Variants in EPM2A observed in about 807,000 individuals in gnomAD.
The protein encoded by EPM2A is laforin.
A neutral mutation model predicts 26.5 loss-of-function variants in EPM2A; 21 were observed. That is an observed-to-expected ratio of 0.79 (90% CI 0.56 to 1.14). The LOEUF (loss-of-function observed/expected upper bound fraction) is 1.14. Among genes scored for constraint, EPM2A ranks in the 50% most tolerant of loss-of-function variants. The pLI, the probability that EPM2A is intolerant of heterozygous loss-of-function variation, is 0.00. For missense variants in EPM2A, 458 were observed against 440.8 expected (o/e 1.04, Z -0.35); for synonymous variants, 217 against 177.6 (o/e 1.22, Z -1.76).
intron 2 of EPM2A, chr6:145,636,360 C>G (rs909481530): frequency 4.6e-5 from 7 of 152,308 alleles, no homozygotes; most frequent in Admixed American, 3.9e-4. Context: ...TGGTGGACAC[C>G]TGTAATCCCA....
intron 2 of EPM2A, among the ~76,000 whole-genome samples, chr6:145,567,607 T>G (rs1053200387): frequency 6.6e-6 from 1 of 152,196 alleles, no homozygotes; most frequent in East Asian, 1.9e-4. Flanking sequence ...AGCCTAACTG[T>G]AGGGATCCTG....
At chr6:145,479,075 T>G (rs1303173309) in intron 4 of EPM2A, among the ~76,000 whole-genome samples, 11 of 151,568 alleles carry the variant, frequency 7.3e-5, no homozygotes, top group Admixed American at 5.9e-4. Flanking sequence ...AGTTTTTGTC[T>G]TTACTGATTT....
intron 4 of EPM2A, among the ~76,000 whole-genome samples, chr6:145,401,979 A>T (rs1239582096): frequency 2.0e-5 from 3 of 152,182 alleles, no homozygotes. Flanking sequence ...TAATTAGAAA[A>T]GCATGATTTG....
At chr6:145,491,989 T>C in intron 4 of EPM2A, 1 of 433,998 alleles carries the variant, frequency 2.3e-6, no homozygotes, top group Non-Finnish European at 4.5e-6. Flanking sequence ...CAGGATGATG[T>C]CAGTAAACCA....
intron 4 of EPM2A, among the ~76,000 whole-genome samples, chr6:145,401,983 T>G (rs1273878277): frequency 2.0e-5 from 3 of 152,180 alleles, no homozygotes; most frequent in Non-Finnish European, 4.4e-5. Context: ...TAGAAAAGCA[T>G]GATTTGACAA....
intron 2 of EPM2A, among the ~76,000 whole-genome samples, chr6:145,585,010 C>T (rs1781169756): frequency 6.6e-6 from 1 of 152,132 alleles, no homozygotes; most frequent in South Asian, 2.1e-4. Flanking sequence ...TTGATTATTT[C>T]CTTTCAGTAC....
intron 4 of EPM2A, among the ~76,000 whole-genome samples, chr6:145,455,749 C>A (rs927915482): frequency 1.3e-5 from 2 of 152,100 alleles, no homozygotes; most frequent in African/African-American, 2.4e-5. Context: ...TCGTTGATAA[C>A]AAGATAGTCA....
intron 4 of EPM2A, among the ~76,000 whole-genome samples, chr6:145,438,646 G>A (rs1259544292): frequency 6.6e-6 from 1 of 151,702 alleles, no homozygotes; most frequent in Non-Finnish European, 1.5e-5. Flanking sequence ...GCTAATTTTT[G>A]TATTTTTAGT....
chr6:145,576,976 T>C (rs550692403), intron 2 of EPM2A, among the ~76,000 whole-genome samples: 23 of 151,382 alleles, frequency 1.5e-4, no homozygotes, highest in African/African-American at 5.6e-4. Context: ...TTTTAAGATG[T>C]TTTTTACAAG....
chr6:145,441,106 A>G (rs1467809789), intron 4 of EPM2A, among the ~76,000 whole-genome samples: 1 of 152,164 alleles, frequency 6.6e-6, no homozygotes, highest in Admixed American at 6.5e-5. Context: ...AGGCATTTCC[A>G]TACATCCCCT....
chr6:145,387,957 G>T (rs1267983076), intron 4 of EPM2A, among the ~76,000 whole-genome samples: 4 of 152,100 alleles, frequency 2.6e-5, no homozygotes, highest in Non-Finnish European at 5.9e-5. Context: ...GCTATCAGGG[G>T]TGACAGAAAT....
chr6:145,400,312 G>A (rs1370007002), intron 4 of EPM2A, among the ~76,000 whole-genome samples: 2 of 152,090 alleles, frequency 1.3e-5, no homozygotes, highest in African/African-American at 2.4e-5. Context: ...TTGTCCAAGG[G>A]GAACTTAGAT....
chr6:145,396,512 A>G (rs1224141800), intron 4 of EPM2A, among the ~76,000 whole-genome samples: 3 of 152,192 alleles, frequency 2.0e-5, no homozygotes, highest in Admixed American at 2.0e-4. Context: ...CAATCCAGAC[A>G]AATGATTCAA....
intron 2 of EPM2A, chr6:145,682,426 A>G (rs1400689267): frequency 1.3e-5 from 2 of 152,184 alleles, no homozygotes; most frequent in Admixed American, 6.6e-5. Flanking sequence ...TCCCTTTCCC[A>G]AATGTCCTGA....
intron 2 of EPM2A, among the ~76,000 whole-genome samples, chr6:145,592,302 C>T (rs6918809): frequency 0.43 from 64,715 of 151,180 alleles, 14,352 homozygotes; most frequent in African/African-American, 0.51. Flanking sequence ...AGAATGATGG[C>T]TTCCGGCTTC....
Position 145,590,717 on chromosome 6 carries a change from C to T in EPM2A, c.340+44528G>A, listed in dbSNP as rs1781262213. ...TGAAGTCTCTGGCACGTACAGCAAA[C>T]ATGAAATACATCCTACCTCCTGGTC... On this transcript the variant is annotated intron_variant, in intron 2 of 3. Transcript: ENST00000450221. Among the ~76,000 whole-genome samples the T allele has an allele frequency of 3.3e-5, 5 of 152,184 alleles. No homozygotes were observed. In the South Asian group the frequency reaches 1.0e-3, roughly 32 times the overall value.
intron 2 of EPM2A, among the ~76,000 whole-genome samples, chr6:145,540,439 T>C (rs1439031745): frequency 6.6e-6 from 1 of 152,176 alleles, no homozygotes; most frequent in Non-Finnish European, 1.5e-5. Flanking sequence ...CCCTCAGCAC[T>C]ACTCACCTCC....
intron 2 of EPM2A, among the ~76,000 whole-genome samples, chr6:145,669,107 T>C (rs1262029624): frequency 2.6e-5 from 4 of 152,114 alleles, no homozygotes; most frequent in Non-Finnish European, 2.9e-5. Context: ...TATTGACTCA[T>C]TTATCAGGAA....
At chr6:145,613,708 A>G (rs896489627) in intron 2 of EPM2A, among the ~76,000 whole-genome samples, 1 of 152,182 alleles carries the variant, frequency 6.6e-6, no homozygotes, top group Non-Finnish European at 1.5e-5. Flanking sequence ...AAGCATTTGT[A>G]TTTGGAAAGA....
Sources: gnomAD v4.1 joint callset for allele counts (sites outside exome capture counted in the v4.1 genomes callset) on GRCh38, gnomAD v4.1.1 for gene constraint, MANE v1.5 for transcripts, NCBI Gene and HGNC (gene_info 2026-07-23, HGNC 2026-07-21) for gene names.